The following ME1 variants were observed in gnomAD, a reference collection of about 807,000 sequenced individuals.
The protein encoded by ME1 is malic enzyme 1.
Under a neutral mutation model 66.4 loss-of-function variants are expected in ME1, and 74 were observed. The observed-to-expected ratio is 1.11, with a 90% confidence interval of 0.92 to 1.35. The LOEUF is 1.35. Ranked by LOEUF, ME1 falls within the 40% of genes most tolerant of loss-of-function variation. The probability of loss-of-function intolerance (pLI) is 0.00; values close to 1 mark genes in which losing one functional copy is unlikely to be tolerated. For missense variants in ME1, 750 were observed against 694.1 expected (o/e 1.08, Z -0.90); for synonymous variants, 251 against 235.6 (o/e 1.07, Z -0.60).
chr6:83,356,150 G>A lies in ME1; in HGVS notation c.363-4011C>T, dbSNP rs1022030038. Among the ~76,000 whole-genome samples the A allele has an allele frequency of 2.2e-4, 33 of 151,986 alleles. 1 individual carries two copies. Among genetic ancestry groups the A allele is most frequent in the African/African-American group, 7.0e-4 (29 of 41,388 alleles). On this transcript the variant is annotated intron_variant, in intron 3 of 13. Transcript: ENST00000369705. ...TTTTTATAACATGCAACTTTCTACT[G>A]TAATCAAACTTGTATTTCATTTTGG...
chr6:83,280,992 C>G (rs1009727527), intron 6 of ME1, among the ~76,000 whole-genome samples: 2 of 152,190 alleles, frequency 1.3e-5, no homozygotes, highest in African/African-American at 4.8e-5. Context: ...TAACAACCAT[C>G]TCACAAATAA....
chr6:83,237,744 C>T lies in ME1; in HGVS notation c.999G>A (p.Leu333=), dbSNP rs1248894307. 2 of 1,602,042 alleles carry T rather than the reference C, an allele frequency of 1.2e-6. No individual in the cohort carries two copies. Among genetic ancestry groups the T allele is most frequent in the Admixed American group, 1.7e-5 (1 of 59,382 alleles). The change falls in exon 9 of 14, where the codon CTG becomes CTA. Residue 333 remains leucine (L), a synonymous_variant. Transcript: ENST00000369705. The part of the protein sequence containing the change: ...PKEKAIKKIW[L]VDSKGLIVKG... ...TAACTATTAATCCTTTTGAATCAAC[C>T]AGCCATATCTTTTTGATGGCTTTCT...
intron 5 of ME1, among the ~76,000 whole-genome samples, chr6:83,325,953 A>C (rs1246010583): frequency 6.0e-5 from 9 of 149,196 alleles, no homozygotes; most frequent in East Asian, 1.9e-4. Context: ...GCAAACAAAA[A>C]AAAAAAAAAA....
At chr6:83,219,071 C>G (rs1488014553) in intron 12 of ME1, among the ~76,000 whole-genome samples, 3 of 151,906 alleles carry the variant, frequency 2.0e-5, no homozygotes, top group African/African-American at 7.3e-5. Flanking sequence ...GGGCTCTTAC[C>G]GAAATGGCAC....
chr6:83,402,158 G>A (rs1487184737), intron 2 of ME1, among the ~76,000 whole-genome samples: 1 of 152,216 alleles, frequency 6.6e-6, no homozygotes, highest in Admixed American at 6.5e-5. Flanking sequence ...TGACAGAACA[G>A]TGGAATGTAC....
At chr6:83,345,542 CTGTT>C (rs1365807548) in intron 5 of ME1, among the ~76,000 whole-genome samples, 1 of 152,114 alleles carries the variant, frequency 6.6e-6, no homozygotes, top group Non-Finnish European at 1.5e-5. Flanking sequence ...GATGATATAT[CTGTT>C]TGGGACCTAG....
chr6:83,393,546 A>C, intron 3 of ME1: 6 of 251,000 alleles, frequency 2.4e-5, no homozygotes, highest in Non-Finnish European at 3.7e-5. Context: ...GACCCCCTAA[A>C]AGGGAGGAGC....
At chr6:83,301,686 A>T (rs1437232390) in intron 6 of ME1, among the ~76,000 whole-genome samples, 1 of 152,174 alleles carries the variant, frequency 6.6e-6, no homozygotes, top group Non-Finnish European at 1.5e-5. Context: ...GCCAACAAAC[A>T]TATGAAAAAA....
intron 3 of ME1, among the ~76,000 whole-genome samples, chr6:83,357,933 CTCTA>C (rs1470893893): frequency 0.023 from 1,014 of 44,720 alleles, no homozygotes; most frequent in Non-Finnish European, 0.03. Flanking sequence ...CTCTCTCTCT[CTCTA>C]TATATATATA....
At chr6:83,235,080 T>G (rs1790373867) in intron 9 of ME1, among the ~76,000 whole-genome samples, 1 of 152,122 alleles carries the variant, frequency 6.6e-6, no homozygotes, top group South Asian at 2.1e-4. Context: ...TATAGGAAAT[T>G]TAAGATATCC....
intron 5 of ME1, among the ~76,000 whole-genome samples, chr6:83,325,027 G>A (rs1027367849): frequency 1.3e-5 from 2 of 152,050 alleles, no homozygotes; most frequent in East Asian, 1.9e-4. Context: ...TGATCAAGTG[G>A]GCTTCATCCC....
chr6:83,416,773 G>A (rs1770166878), intron 1 of ME1, among the ~76,000 whole-genome samples: 1 of 151,812 alleles, frequency 6.6e-6, no homozygotes, highest in South Asian at 2.1e-4. Flanking sequence ...GCATGCACCT[G>A]TAGTCCCAGC....
intron 12 of ME1, among the ~76,000 whole-genome samples, chr6:83,220,521 C>A (rs181919825): frequency 6.6e-6 from 1 of 152,238 alleles, no homozygotes; most frequent in Non-Finnish European, 1.5e-5. Flanking sequence ...TGGTGCTAAC[C>A]CATGACATTT....
intron 13 of ME1, among the ~76,000 whole-genome samples, chr6:83,214,723 T>A (rs149401120): frequency 3.7e-4 from 56 of 152,344 alleles, no homozygotes; most frequent in African/African-American, 1.3e-3. Flanking sequence ...CCAGGTCTTT[T>A]ATCTAGCCTC....
intron 6 of ME1, among the ~76,000 whole-genome samples, chr6:83,295,719 T>C (rs985632250): frequency 6.6e-6 from 1 of 152,012 alleles, no homozygotes; most frequent in African/African-American, 2.4e-5. Flanking sequence ...ATTTAAAAGT[T>C]TAACAAATCC....
At chr6:83,332,055 C>A (rs1035872210) in intron 5 of ME1, among the ~76,000 whole-genome samples, 1 of 151,964 alleles carries the variant, frequency 6.6e-6, no homozygotes, top group Non-Finnish European at 1.5e-5. Context: ...ATTTACTTCA[C>A]GTAACAAGTA....
At chr6:83,224,384 T>C (rs559564790) in intron 11 of ME1, among the ~76,000 whole-genome samples, 1 of 152,078 alleles carries the variant, frequency 6.6e-6, no homozygotes, top group East Asian at 1.9e-4. Context: ...TATTTCTATA[T>C]TGTAAAGAGT....
intron 6 of ME1, among the ~76,000 whole-genome samples, chr6:83,275,738 T>C (rs1158916073): frequency 7.2e-6 from 1 of 138,430 alleles, no homozygotes; most frequent in Non-Finnish European, 1.5e-5. Flanking sequence ...GTGCTGGGAT[T>C]ACCGGTGTGA....
intron 6 of ME1, among the ~76,000 whole-genome samples, chr6:83,272,165 C>T (rs1767092605): frequency 6.6e-6 from 1 of 152,100 alleles, no homozygotes; most frequent in Admixed American, 6.5e-5. Context: ...CATCATTAAA[C>T]CAACTCACCT....
Sources: allele counts gnomAD v4.1 joint callset (sites outside exome capture counted in the v4.1 genomes callset), GRCh38; gene constraint gnomAD v4.1.1; transcripts MANE v1.5; gene names NCBI Gene and HGNC (gene_info 2026-07-23, HGNC 2026-07-21).